The following PPP2R2C variants were observed in gnomAD, a reference collection of about 807,000 sequenced individuals.
The protein encoded by PPP2R2C is protein phosphatase 2 regulatory subunit Bgamma, also known as protein phosphatase 2, regulatory subunit B, gamma.
PPP2R2C carries 10 observed loss-of-function variants against 45.3 expected under a neutral mutation model. The ratio of observed to expected loss-of-function variants is 0.22; its 90% confidence interval spans 0.14 to 0.37. PPP2R2C has a LOEUF of 0.37. Among genes scored for constraint, PPP2R2C ranks in the 10% least tolerant of loss-of-function variants. The pLI is 1.00. For missense variants in PPP2R2C, 308 were observed against 619.7 expected (o/e 0.50, Z 5.34); for synonymous variants, 257 against 245.4 (o/e 1.05, Z -0.44).
rs1158525075 is a variant in PPP2R2C, at chr4:6,337,102, ATGTG to A, written c.791-3375_791-3372del. Among the ~76,000 whole-genome samples, 167 of 37,232 alleles carry A rather than the reference ATGTG, an allele frequency of 4.5e-3. 7 individuals are homozygous for A. Among genetic ancestry groups the A allele is most frequent in the African/African-American group, 0.013 (109 of 8,174 alleles). 24.4% of individuals were successfully genotyped at this position (37,232 alleles called of 152,430 possible). A position where few individuals can be genotyped will look rare whatever the true frequency, so the allele number is the denominator to read the frequency against. On this transcript the variant is annotated intron_variant, in intron 6 of 8. Transcript: ENST00000382599. ...ATTAAATTGGCATCTTTGTTTCTGTATGTGTGTGTGTATATATATATATATATAT... is the reference window on the plus strand; with the variant it reads ...ATTAAATTGGCATCTTTGTTTCTGTATGTGTGTATATATATATATATATAT...
chr4:6,441,553 C>G (rs1327125162), intron 1 of PPP2R2C, among the ~76,000 whole-genome samples: 1 of 152,210 alleles, frequency 6.6e-6, no homozygotes, highest in African/African-American at 2.4e-5. Flanking sequence ...TGACCTCTTC[C>G]TGGACAGCCC....
chr4:6,501,266 A>T (rs761446298), intron 2 of PPP2R2C, among the ~76,000 whole-genome samples: 1 of 152,158 alleles, frequency 6.6e-6, no homozygotes, highest in South Asian at 2.1e-4. Flanking sequence ...ATCACCCATC[A>T]GGCCTGGGAA....
At chr4:6,450,774 G>A (rs1179566760) in intron 1 of PPP2R2C, among the ~76,000 whole-genome samples, 1 of 152,194 alleles carries the variant, frequency 6.6e-6, no homozygotes, top group Non-Finnish European at 1.5e-5. Flanking sequence ...GCCAACTGGA[G>A]ACAACAATTC....
chr4:6,412,719 C>A (rs1718265899), intron 1 of PPP2R2C, among the ~76,000 whole-genome samples: 1 of 152,204 alleles, frequency 6.6e-6, no homozygotes, highest in Non-Finnish European at 1.5e-5. Context: ...TGTGTCCCCT[C>A]AAATTCATAT....
intron 6 of PPP2R2C, among the ~76,000 whole-genome samples, chr4:6,347,407 C>T (rs890939204): frequency 6.6e-6 from 1 of 152,118 alleles, no homozygotes; most frequent in African/African-American, 2.4e-5. Context: ...GACCCTGCTC[C>T]AAGGAGCCGG....
Position 6,323,102 on chromosome 4 carries a change from A to G in PPP2R2C, c.*200T>C, listed in dbSNP as rs1577062580. 3.8e-6 allele frequency: 2 copies of G among 528,538 alleles called. No individual in the cohort carries two copies. Among genetic ancestry groups the G allele is most frequent in the Admixed American group, 3.7e-5 (1 of 27,392 alleles). The allele number at this position is 528,538 out of a possible 1,614,324, so 32.7% of individuals were successfully genotyped here. On this transcript the variant is annotated 3_prime_UTR_variant, in exon 9 of 9. Coordinates refer to ENST00000382599, the MANE Select transcript of PPP2R2C (RefSeq NM_020416.4). ...TCCTTTTTATTTTTTTAAACAGACA[A>G]TTACTGCCAAACACAATTCTGGCCT...
intron 6 of PPP2R2C, among the ~76,000 whole-genome samples, chr4:6,339,349 G>A (rs1016405864): frequency 1.3e-5 from 2 of 152,236 alleles, no homozygotes; most frequent in African/African-American, 4.8e-5. Context: ...CCTGCTCCCT[G>A]AGCAGAGAGA....
intron 2 of PPP2R2C, among the ~76,000 whole-genome samples, chr4:6,508,161 C>G (rs1487240760): frequency 6.6e-6 from 1 of 152,174 alleles, no homozygotes. Context: ...CTGAGCAGGG[C>G]AGGAGAGCCT....
chr4:6,381,428 T>G, intron 1 of PPP2R2C: 1 of 1,397,030 alleles, frequency 7.2e-7, no homozygotes, highest in Non-Finnish European at 9.4e-7. Flanking sequence ...TGTGGCCTCA[T>G]CCTCCTGTCT....
intron 5 of PPP2R2C, 57 bp downstream of exon 5, chr4:6,372,466 C>G: frequency 6.4e-7 from 1 of 1,565,902 alleles, no homozygotes; most frequent in Non-Finnish European, 8.7e-7. Flanking sequence ...AAACCCACCA[C>G]CCAACGGAAG....
In PPP2R2C at chr4:6,329,884, C is replaced by T. The variant is rs542098284; in HGVS notation, c.961-531G>A. 1.4e-4 allele frequency among the ~76,000 whole-genome samples: 21 copies of T among 152,280 alleles called. No homozygotes were observed. In the South Asian group the frequency reaches 4.4e-3, roughly 32 times the overall value. Reference sequence around the variant, plus strand: ...CTCTCTGAGCCTCAGTTTCTTCAAACTTAAAGTGATAAGAGGGCGAACCTC... The same window carrying T: ...CTCTCTGAGCCTCAGTTTCTTCAAATTTAAAGTGATAAGAGGGCGAACCTC... On this transcript the variant is annotated intron_variant, in intron 7 of 8. Coordinates refer to ENST00000382599, the MANE Select transcript of PPP2R2C (RefSeq NM_020416.4). This position sits in a 1 kb window ranked among gnomAD's most constrained non-coding sequence, Gnocchi z 5.8.
chr4:6,445,635 C>T (rs766028697), intron 1 of PPP2R2C, among the ~76,000 whole-genome samples: 4 of 152,202 alleles, frequency 2.6e-5, no homozygotes, highest in Non-Finnish European at 5.9e-5. Flanking sequence ...AGGGGGATCA[C>T]TTGAGTCTAG....
intron 2 of PPP2R2C, among the ~76,000 whole-genome samples, chr4:6,535,027 G>A (rs1005997812): frequency 1.3e-5 from 2 of 152,256 alleles, no homozygotes; most frequent in Admixed American, 1.3e-4. Flanking sequence ...CGCATGAAGG[G>A]GGCCTCACCC....
intron 1 of PPP2R2C, among the ~76,000 whole-genome samples, chr4:6,556,401 C>T (rs972088578): frequency 2.6e-5 from 4 of 152,182 alleles, no homozygotes; most frequent in African/African-American, 9.7e-5. Flanking sequence ...GCAACATCAG[C>T]CTTCCTGGTT....
At chr4:6,475,288 T>C (rs1242553803), upstream of PPP2R2C, among the ~76,000 whole-genome samples, 3 of 152,032 alleles carry the variant, frequency 2.0e-5, no homozygotes, top group Non-Finnish European at 4.4e-5. Flanking sequence ...TAAAGGTGAG[T>C]GTAGAGGAAA....
In PPP2R2C at chr4:6,372,570, T is replaced by C. The variant is rs1214496946; in HGVS notation, c.578A>G (p.Asp193Gly). 6.2e-7 allele frequency: 1 copy of C among 1,614,168 alleles called. No homozygotes were observed. Among genetic ancestry groups the C allele is most frequent in the Admixed American group, 1.7e-5 (1 of 60,026 alleles). Residue 193 changes from aspartate to glycine, a missense_variant, in exon 5 of 9, where the codon GAC becomes GGC. Coordinates refer to ENST00000382599, the MANE Select transcript of PPP2R2C (RefSeq NM_020416.4). ...CAGGTGCCAGAGGTTGATGCGCAGG[T>C]CATCCGCCGACATGTAGGTCTCGCA... The part of the protein sequence containing the change: ...SDCETYMSAD[D>G]LRINLWHLAI...
chr4:6,402,311 G>A (rs745984003), intron 1 of PPP2R2C, among the ~76,000 whole-genome samples: 2 of 152,140 alleles, frequency 1.3e-5, no homozygotes, highest in Non-Finnish European at 2.9e-5. Context: ...TCATACAAGC[G>A]GCCCCATTTC....
chr4:6,386,165 C>T (rs561571452), intron 1 of PPP2R2C, among the ~76,000 whole-genome samples: 19 of 152,288 alleles, frequency 1.2e-4, no homozygotes, highest in Admixed American at 9.1e-4. Flanking sequence ...AGGGTGAGGC[C>T]GCAGCAGATG....
chr4:6,548,897 C>T (rs1725084118), intron 1 of PPP2R2C, among the ~76,000 whole-genome samples: 1 of 152,284 alleles, frequency 6.6e-6, no homozygotes. Flanking sequence ...TCCTTCTGCC[C>T]ACCTCCCTAA....
Sources: gnomAD v4.1 joint callset for allele counts (sites outside exome capture counted in the v4.1 genomes callset) on GRCh38, gnomAD v4.1.1 for gene constraint, Gnocchi (gnomAD v3.1) non-coding constraint, MANE v1.5 for transcripts, NCBI Gene and HGNC (gene_info 2026-07-23, HGNC 2026-07-21) for gene names.